Variants in COL6A3 observed in about 807,000 individuals in gnomAD.
COL6A3 encodes the protein collagen type VI alpha 3 chain, also known as collagen alpha-3(VI) chain.
COL6A3 carries 137 observed loss-of-function variants against 274.1 expected under a neutral mutation model. The observed-to-expected ratio is 0.50, with a 90% CI of 0.44 to 0.58. COL6A3 has a LOEUF of 0.58. Ranked by LOEUF, COL6A3 falls within the 20% of genes least tolerant of loss-of-function variation. The pLI, the probability that COL6A3 is intolerant of heterozygous loss-of-function variation, is 0.00. For synonymous variants in COL6A3, 1,650 were observed against 1,650.6 expected, an observed-to-expected ratio of 1.00 and a Z score of 0.01; for missense variants, 3,950 against 4,124.9, an observed-to-expected ratio of 0.96 and a Z score of 1.16.
In COL6A3 at chr2:237,335,431, C is replaced by T. The variant is rs150034591; in HGVS notation, c.8966-542G>A. 3.7e-3 allele frequency among the ~76,000 whole-genome samples: 559 copies of T among 152,296 alleles called. 2 individuals are homozygous for T. The highest frequency in any genetic ancestry group is 0.014 in the Middle Eastern group (4 of 294). Reference sequence around the variant, plus strand: ...CTCTTGGTCTCATTAAAGCCATCTACCTTTTGTATCTAATTCAGTCTGAAA... The same window carrying T: ...CTCTTGGTCTCATTAAAGCCATCTATCTTTTGTATCTAATTCAGTCTGAAA... On this transcript the variant is annotated intron_variant, in intron 40 of 43. Coordinates refer to ENST00000295550, the MANE Select transcript of COL6A3 (RefSeq NM_004369.4).
At chr2:237,327,877 G>A (rs1039297986) in intron 42 of COL6A3, 4 of 152,066 alleles carry the variant, frequency 2.6e-5, no homozygotes, top group African/African-American at 9.7e-5. Flanking sequence ...GAGTACCAAG[G>A]GAGATGGCTG....
rs192025775 is a variant in COL6A3, at chr2:237,359,426, C to T, written c.6283-38G>A. 15 of 1,613,026 alleles carry T rather than the reference C, an allele frequency of 9.3e-6. No homozygotes were observed. In the Admixed American group the frequency reaches 2.0e-4, roughly 21 times the overall value. On this transcript the variant is annotated intron_variant, in intron 17 of 43. Coordinates refer to ENST00000295550, the MANE Select transcript of COL6A3 (RefSeq NM_004369.4). ...GCGATAGGGGAAGCATTAGCTTTTC[C>T]TGCAGGGCTGGTCCCTCGGGCAGAA...
In COL6A3 at chr2:237,380,940, G is replaced by T. The variant is rs886044014; in HGVS notation, c.1872C>A (p.Leu624=). 1 of 1,614,094 alleles carries T rather than the reference G, an allele frequency of 6.2e-7. No individual in the cohort carries two copies. The highest frequency in any genetic ancestry group is 8.5e-7 in the Non-Finnish European group (1 of 1,180,022). Residue 624 remains leucine (L), a synonymous_variant, in exon 5 of 44, where the codon CTC becomes CTA. Transcript: ENST00000295550. ...QGMLPGLLAP[L]RTLSGTPEVH... ...CTTCAGGGGTTCCAGAGAGGGTCCT[G>T]AGAGGTGCCAGCAAGCCAGGCAGCA...
At chr2:237,376,275 T>A (rs2106363380) in intron 7 of COL6A3, among the ~76,000 whole-genome samples, 1 of 152,332 alleles carries the variant, frequency 6.6e-6, no homozygotes, top group South Asian at 2.1e-4. Flanking sequence ...CATGGCAGTG[T>A]CAATTAGCAG....
chr2:237,334,311 C>T (rs1002018565), intron 41 of COL6A3, among the ~76,000 whole-genome samples: 6 of 152,156 alleles, frequency 3.9e-5, no homozygotes, highest in African/African-American at 4.8e-5. Context: ...CACCGGGAGA[C>T]GTGGCCATCT....
In COL6A3 at chr2:237,379,221, T is replaced by C. The variant is rs945511217; in HGVS notation, c.1912A>G (p.Arg638Gly). 6.2e-7 allele frequency: 1 copy of C among 1,614,192 alleles called. No individual in the cohort carries two copies. Among genetic ancestry groups the C allele is most frequent in the Non-Finnish European group, 8.5e-7 (1 of 1,180,008 alleles). Residue 638 changes from arginine (R) to glycine (G), a missense_variant, in exon 6 of 44, where the codon AGG (arginine) becomes GGG (glycine). By Grantham distance (125) the Arg-to-Gly change is moderately radical. This residue lies in a region of COL6A3 where 1,934 missense variants were observed against 1,984.3 expected (regional missense o/e 0.97). Transcript: ENST00000295550. ...SGTPEVHSNK[R>G]DIIFLLDGSA... ...CCATCCAAAAGAAAGATGATATCCC[T>C]TTTGTTTGAGTGAACTGCAGTGAAG...
intron 4 of COL6A3, among the ~76,000 whole-genome samples, chr2:237,381,914 T>G (rs868699514): frequency 7.9e-5 from 12 of 152,230 alleles, no homozygotes; most frequent in Non-Finnish European, 1.8e-4. Context: ...ACAGTCTTCA[T>G]TTCAAAATGC....
Position 237,396,750 on chromosome 2 carries a change from G to T in COL6A3, c.68C>A (p.Thr23Asn). The change falls in exon 2 of 44, where the codon ACT (threonine) becomes AAT (asparagine). Residue 23 changes from threonine (T) to asparagine (N), a missense_variant. Thr to Asn is a moderately conservative substitution (Grantham distance 65, BLOSUM62 0). Around this residue, in one of 5 missense-constraint regions of COL6A3, gnomAD observed 1,934 missense variants for 1,984.3 expected, o/e 0.97. Coordinates refer to ENST00000295550, the MANE Select transcript of COL6A3 (RefSeq NM_004369.4). The stretch of plus-strand genomic sequence containing the variant: ...ACCTGCTTGCTGCTGCTGGGCATGA[G>T]TTGTAGGAAAGCCTGAGAGAAAGAG... ...FCLFLSGFPT[T>N]HAQQQQADVK... 6.2e-7 allele frequency: 1 copy of T among 1,614,162 alleles called. No individual in the cohort carries two copies. The highest frequency in any genetic ancestry group is 8.5e-7 in the Non-Finnish European group (1 of 1,180,010).
chr2:237,389,761 C>G (rs2078240634), intron 3 of COL6A3, among the ~76,000 whole-genome samples: 1 of 152,176 alleles, frequency 6.6e-6, no homozygotes, highest in South Asian at 2.1e-4. Flanking sequence ...AATATATTAA[C>G]CTGGCAACAT....
At chr2:237,357,732 C>A in intron 22 of COL6A3, 85 bp downstream of exon 22, 2 of 1,377,210 alleles carry the variant, frequency 1.5e-6, no homozygotes, top group South Asian at 1.2e-5. Flanking sequence ...ACGTCTTTGG[C>A]CTCTGTGGCT....
Position 237,324,648 on chromosome 2 carries a change from C to T in COL6A3, c.*126G>A, listed in dbSNP as rs367628527. ...GCAGCAGGATGTTCCCTCCCGAGTT[C>T]GAGTGTAAATCAAAGCATGAAATGA... On this transcript the variant is annotated 3_prime_UTR_variant, in exon 44 of 44. Coordinates refer to ENST00000295550, the MANE Select transcript of COL6A3 (RefSeq NM_004369.4). 25 of 861,506 alleles carry T rather than the reference C, an allele frequency of 2.9e-5. No homozygotes were observed. The highest frequency in any genetic ancestry group is 2.3e-4 in the Admixed American group (12 of 51,146). The allele number at this position is 861,506 out of a possible 1,614,324, so 53.4% of individuals were successfully genotyped here.
At chr2:237,397,013 T>A (rs2078459474) in intron 1 of COL6A3, among the ~76,000 whole-genome samples, 166 bp from the exon 2 acceptor site, 1 of 118,594 alleles carries the variant, frequency 8.4e-6, no homozygotes, top group African/African-American at 3.3e-5. Flanking sequence ...GACAGTTAGA[T>A]AGATGATAGA....
intron 37 of COL6A3, 117 bp downstream of exon 37, chr2:237,341,948 G>T: frequency 2.3e-6 from 2 of 870,770 alleles, no homozygotes; most frequent in Admixed American, 2.0e-5. Context: ...ACGAGGCTTT[G>T]TGAATCAATT....
Position 237,350,201 on chromosome 2 carries a change from G to C in COL6A3, c.6825C>G (p.Pro2275=), listed in dbSNP as rs541261658. 6 of 1,613,920 alleles carry C rather than the reference G, an allele frequency of 3.7e-6. No homozygotes were observed. Among genetic ancestry groups the C allele is most frequent in the African/African-American group, 1.3e-5 (1 of 74,912 alleles). ...RTGPLGRKGE[P]GEPGPKGGIG... ...TTCCTCCTTTTGGTCCTGGCTCTCC[G>C]GGCTCACCCTAGACATGAGAAACAT... Residue 2275 remains proline, a synonymous_variant, in exon 28 of 44, where the codon CCC becomes CCG. Transcript: ENST00000295550.
rs781633444 is a variant in COL6A3 at position 237,374,949 on chromosome 2, T to C, written c.3142A>G (p.Lys1048Glu). 6.8e-6 allele frequency: 11 copies of C among 1,613,858 alleles called. No individual in the cohort carries two copies. The highest frequency in any genetic ancestry group is 5.5e-5 in the South Asian group (5 of 91,058). The change falls in exon 8 of 44, where the codon AAA becomes GAA. Residue 1048 changes from lysine to glutamate, a missense_variant. Physicochemically the swap from Lys to Glu is moderately conservative, Grantham distance 56. Around this residue, in one of 5 missense-constraint regions of COL6A3, gnomAD observed 1,934 missense variants for 1,984.3 expected, o/e 0.97. Coordinates refer to ENST00000295550, the MANE Select transcript of COL6A3 (RefSeq NM_004369.4). The surrounding 1 kb of genome is among the most constrained non-coding windows in gnomAD (Gnocchi z 4.8). Reference protein sequence around the residue: ...EGVRSGFPLLKEFVQRVVESL... With the variant: ...EGVRSGFPLLEEFVQRVVESL... Reference sequence around the variant, plus strand: ...TCCACCACTCTCTGGACAAACTCTTTCAACAGAGGGAAGCCGCTCCTGACG... The same window carrying C: ...TCCACCACTCTCTGGACAAACTCTTCCAACAGAGGGAAGCCGCTCCTGACG...
rs752102793 is a variant in COL6A3 at position 237,366,838 on chromosome 2, C to T, written c.5349G>A (p.Ser1783=). ...VFAVGVRNID[S]EEVGKIASNS... ...TGGACGCTATCTTTCCAACCTCCTC[C>T]GAGTCGATATTCCTCACTCCAACAG... The change falls in exon 11 of 44, where the codon TCG becomes TCA. Residue 1783 remains serine, a synonymous_variant. Coordinates refer to ENST00000295550, the MANE Select transcript of COL6A3 (RefSeq NM_004369.4). The T allele has an allele frequency of 2.7e-5, 44 of 1,614,108 alleles. No individual in the cohort carries two copies. In the Middle Eastern group the frequency reaches 4.9e-4, roughly 18 times the overall value.
Position 237,336,475 on chromosome 2 carries a change from CTTCG to C in COL6A3, c.8621_8624del (p.Thr2874SerfsTer3). On this transcript the variant is annotated frameshift_variant, in exon 40 of 44. Coordinates refer to ENST00000295550, the MANE Select transcript of COL6A3 (RefSeq NM_004369.4). LOFTEE classifies it high-confidence loss of function. The stretch of plus-strand genomic sequence containing the variant: ...TCACCGGCTTCGTCGTAGTCACCGG[CTTCG>C]TTGTCGTCACTGGGTTGGATGTAGG... 1 of 1,614,218 alleles carries C rather than the reference CTTCG, an allele frequency of 6.2e-7. No homozygotes were observed. Among genetic ancestry groups the C allele is most frequent in the Non-Finnish European group, 8.5e-7 (1 of 1,180,044 alleles).
intron 4 of COL6A3, among the ~76,000 whole-genome samples, chr2:237,387,158 CTCTG>C (rs1401400870): frequency 6.6e-6 from 1 of 152,186 alleles, no homozygotes; most frequent in Non-Finnish European, 1.5e-5. Flanking sequence ...TGGAAAGATA[CTCTG>C]TCTATGAGCA....
intron 3 of COL6A3, among the ~76,000 whole-genome samples, chr2:237,392,730 G>T (rs771951089): frequency 6.6e-6 from 1 of 152,184 alleles, no homozygotes; most frequent in African/African-American, 2.4e-5. Flanking sequence ...ACATGATTTA[G>T]TTACATTATG....
Sources: allele counts gnomAD v4.1 joint callset (sites outside exome capture counted in the v4.1 genomes callset), GRCh38; gene constraint gnomAD v4.1.1; regional missense constraint gnomAD v4.1.1; non-coding constraint Gnocchi (gnomAD v3.1); transcripts MANE v1.5; gene names NCBI Gene and HGNC (gene_info 2026-07-23, HGNC 2026-07-21).